Variants in EHBP1 observed in about 807,000 individuals in gnomAD.
EHBP1 encodes EH domain binding protein 1, also known as EH domain-binding protein 1.
In EHBP1, 55 loss-of-function variants were observed where a neutral mutation model predicts 144.0. That is an observed-to-expected ratio of 0.38 (90% confidence interval 0.31 to 0.48). The LOEUF is 0.48. Among genes scored for constraint, EHBP1 ranks in the 20% least tolerant of loss-of-function variants. EHBP1 has a pLI of 0.98. For missense variants in EHBP1, 1,200 were observed against 1,364.2 expected, an observed-to-expected ratio of 0.88 and a Z score of 1.90; for synonymous variants, 469 against 472.7, an observed-to-expected ratio of 0.99 and a Z score of 0.10.
rs1366110061 is a variant in EHBP1 at position 62,916,592 on chromosome 2, CAAAA to C, written c.1186-26115_1186-26112del. Among the ~76,000 whole-genome samples the C allele has an allele frequency of 2.6e-5, 3 of 114,866 alleles. No homozygotes were observed. In the South Asian group the frequency reaches 8.1e-4, roughly 31 times the overall value. 75.4% of individuals were successfully genotyped at this position (114,866 alleles called of 152,430 possible). On this transcript the variant is annotated intron_variant, in intron 10 of 22. Transcript: ENST00000431489. ...TGGGCAACAGAGCGAGACTCTGTCT[CAAAA>C]AAAAAAAAAATTTAAAATGACAAGT...
At chr2:62,946,608 A>C (rs1261082828) in intron 12 of EHBP1, among the ~76,000 whole-genome samples, 1 of 152,206 alleles carries the variant, frequency 6.6e-6, no homozygotes, top group African/African-American at 2.4e-5. Flanking sequence ...TGCATAACAT[A>C]ACTGGCAGTA....
At chr2:62,747,323 C>A in intron 2 of EHBP1, 72 bp from the exon 3 acceptor site, 1 of 1,444,792 alleles carries the variant, frequency 6.9e-7, no homozygotes, top group Non-Finnish European at 9.6e-7. Context: ...CATTTTTGCC[C>A]TTTTAAAGGC....
At chr2:62,850,311 C>G (rs756890827) in intron 7 of EHBP1, among the ~76,000 whole-genome samples, 4 of 151,230 alleles carry the variant, frequency 2.6e-5, no homozygotes, top group Non-Finnish European at 4.4e-5. Context: ...GTTTTTTTTT[C>G]TTTTTACTAC....
At chr2:62,784,413 A>G (rs2042666319) in intron 5 of EHBP1, among the ~76,000 whole-genome samples, 1 of 152,160 alleles carries the variant, frequency 6.6e-6, no homozygotes, top group Admixed American at 6.5e-5. Flanking sequence ...AACATTGGGG[A>G]TATGAATAAG....
chr2:62,783,380 C>CT (rs1207913260), intron 5 of EHBP1, among the ~76,000 whole-genome samples: 2 of 152,248 alleles, frequency 1.3e-5, no homozygotes, highest in African/African-American at 4.8e-5. Flanking sequence ...AGTGGGGACT[C>CT]TGTGTAGGGG....
At chr2:63,028,120 C>T (rs1282419144) in intron 19 of EHBP1, among the ~76,000 whole-genome samples, 1 of 151,696 alleles carries the variant, frequency 6.6e-6, no homozygotes, top group Non-Finnish European at 1.5e-5. Context: ...GTGTTCTTAC[C>T]ACAAAAAAAG....
At chr2:62,819,469 A>G (rs996884027) in intron 5 of EHBP1, among the ~76,000 whole-genome samples, 2 of 152,200 alleles carry the variant, frequency 1.3e-5, no homozygotes, top group Non-Finnish European at 2.9e-5. Context: ...AATAATTCCA[A>G]ACCTGCAGCC....
chr2:62,802,870 G>A (rs1437646714), intron 5 of EHBP1, among the ~76,000 whole-genome samples: 1 of 151,980 alleles, frequency 6.6e-6, no homozygotes, highest in Non-Finnish European at 1.5e-5. Context: ...GATTAGAGGT[G>A]TGCACCACCA....
intron 5 of EHBP1, among the ~76,000 whole-genome samples, chr2:62,775,325 A>G (rs968997009): frequency 6.6e-6 from 1 of 152,206 alleles, no homozygotes; most frequent in South Asian, 2.1e-4. Flanking sequence ...ACAATGTTAT[A>G]CTTTCCCTTA....
intron 19 of EHBP1, among the ~76,000 whole-genome samples, chr2:62,998,810 G>C (rs1053846396): frequency 2.6e-5 from 4 of 152,244 alleles, no homozygotes; most frequent in African/African-American, 9.6e-5. Flanking sequence ...TGCTACTGCA[G>C]ATTTAGACCA....
At chr2:62,868,935 C>A (rs986299045) in intron 9 of EHBP1, among the ~76,000 whole-genome samples, 1 of 151,874 alleles carries the variant, frequency 6.6e-6, no homozygotes, top group Non-Finnish European at 1.5e-5. Context: ...GCCTGGGCAA[C>A]GCTGTGAGAC....
upstream of EHBP1, among the ~76,000 whole-genome samples, chr2:62,702,940 A>G (rs772828464): frequency 2.6e-5 from 4 of 152,244 alleles, no homozygotes; most frequent in Non-Finnish European, 5.9e-5. Flanking sequence ...CAGAGAGGTT[A>G]AGTAACTCGT....
At chr2:62,923,335 A>G (rs1326299266) in intron 10 of EHBP1, among the ~76,000 whole-genome samples, 11 of 152,180 alleles carry the variant, frequency 7.2e-5, no homozygotes, top group Admixed American at 6.5e-4. Flanking sequence ...AGCTGGCCAA[A>G]TAGCCACATG....
intron 1 of EHBP1, among the ~76,000 whole-genome samples, chr2:62,688,260 C>G (rs533178450): frequency 9.2e-5 from 14 of 152,166 alleles, no homozygotes; most frequent in Non-Finnish European, 1.6e-4. Context: ...GTTATATACT[C>G]TACGCTCCCC....
chr2:62,909,283 C>A (rs1044234377), intron 10 of EHBP1, among the ~76,000 whole-genome samples: 11 of 151,930 alleles, frequency 7.2e-5, no homozygotes, highest in African/African-American at 2.7e-4. Context: ...GGCTCTCAAG[C>A]GAGATCTTCC....
intron 3 of EHBP1, among the ~76,000 whole-genome samples, chr2:62,762,381 A>G (rs1462989392): frequency 6.6e-6 from 1 of 152,168 alleles, no homozygotes; most frequent in African/African-American, 2.4e-5. Flanking sequence ...CTTAAACTTT[A>G]AATATTACCT....
intron 7 of EHBP1, among the ~76,000 whole-genome samples, chr2:62,838,047 GCACCA>G (rs2047439340): frequency 6.7e-6 from 1 of 149,770 alleles, no homozygotes; most frequent in Non-Finnish European, 1.5e-5. Context: ...ATTTTTTTCA[GCACCA>G]CACCACACCT....
At chr2:62,941,956 T>C (rs2056780077) in intron 10 of EHBP1, among the ~76,000 whole-genome samples, 2 of 152,082 alleles carry the variant, frequency 1.3e-5, no homozygotes, top group Non-Finnish European at 2.9e-5. Context: ...TAATATATAA[T>C]CTTAGGTTTG....
At chr2:62,944,449 CAGTAT>C (rs1222870982) in intron 12 of EHBP1, among the ~76,000 whole-genome samples, 1 of 152,068 alleles carries the variant, frequency 6.6e-6, no homozygotes, top group Non-Finnish European at 1.5e-5. Flanking sequence ...CTACACTATT[CAGTAT>C]AGGAATATGC....
Sources: gnomAD v4.1 joint callset for allele counts (sites outside exome capture counted in the v4.1 genomes callset) on GRCh38, gnomAD v4.1.1 for gene constraint, MANE v1.5 for transcripts, NCBI Gene and HGNC (gene_info 2026-07-23, HGNC 2026-07-21) for gene names.